The following PDHX variants were observed in gnomAD, a reference collection of about 807,000 sequenced individuals.
PDHX encodes the protein pyruvate dehydrogenase protein X component, mitochondrial.
Under a neutral mutation model 55.3 loss-of-function variants are expected in PDHX, and 33 were observed. The observed-to-expected ratio is 0.60, with a 90% CI of 0.45 to 0.80. PDHX has a LOEUF of 0.80. Ranked by LOEUF, PDHX falls within the 30% of genes least tolerant of loss-of-function variation. PDHX has a pLI of 0.00. For synonymous variants in PDHX, 226 were observed against 219.4 expected, an observed-to-expected ratio of 1.03 and a Z score of -0.27; for missense variants, 622 against 619.9, an observed-to-expected ratio of 1.00 and a Z score of -0.04.
chr11:34,979,188 GT>G (rs1346203718), intron 8 of PDHX, among the ~76,000 whole-genome samples: 1 of 152,200 alleles, frequency 6.6e-6, no homozygotes, highest in Non-Finnish European at 1.5e-5. Context: ...AGTTTTCCAT[GT>G]ACTAAGATTG....
intron 1 of PDHX, among the ~76,000 whole-genome samples, chr11:34,917,456 G>T (rs1243886013): frequency 1.3e-5 from 2 of 152,158 alleles, no homozygotes; most frequent in Non-Finnish European, 2.9e-5. Flanking sequence ...TGATATTGAT[G>T]CAGTTAACAC....
intron 3 of PDHX, among the ~76,000 whole-genome samples, chr11:34,948,487 C>G (rs1854678023): frequency 6.6e-6 from 1 of 151,860 alleles, no homozygotes; most frequent in South Asian, 2.1e-4. Flanking sequence ...TATTCAAAGA[C>G]TACACTTCAG....
intron 4 of PDHX, among the ~76,000 whole-genome samples, chr11:34,958,635 C>CAA (rs10633958): frequency 0.8 from 122,082 of 151,960 alleles, 49,243 homozygotes; most frequent in African/African-American, 0.84. Flanking sequence ...ATTCCTAGTG[C>CAA]AGTGTTTCTG....
At chr11:34,925,832 A>G (rs1388659076) in intron 1 of PDHX, among the ~76,000 whole-genome samples, 1 of 152,194 alleles carries the variant, frequency 6.6e-6, no homozygotes, top group East Asian at 1.9e-4. Flanking sequence ...AGGAATGTTC[A>G]TTGTAGCATT....
intron 9 of PDHX, 173 bp downstream of exon 9, chr11:34,984,901 C>A: frequency 1.6e-6 from 1 of 617,262 alleles, no homozygotes; most frequent in Non-Finnish European, 2.8e-6. Context: ...AGTTTTTATC[C>A]AAGTATGACC....
intron 5 of PDHX, among the ~76,000 whole-genome samples, chr11:34,965,974 A>T (rs770791571): frequency 6.6e-6 from 1 of 152,210 alleles, no homozygotes; most frequent in Non-Finnish European, 1.5e-5. Context: ...GGCTTAGCAT[A>T]TTTAGTAATC....
At chr11:34,993,357 G>T (rs963529689) in intron 10 of PDHX, among the ~76,000 whole-genome samples, 1 of 151,850 alleles carries the variant, frequency 6.6e-6, no homozygotes, top group South Asian at 2.1e-4. Flanking sequence ...TTCATTTTCT[G>T]TTAGGAATTT....
chr11:34,916,223 C>T (rs199893242), upstream of PDHX: 18 of 1,610,710 alleles, frequency 1.1e-5, no homozygotes, highest in Non-Finnish European at 1.5e-5. Context: ...TGGCCCCGCC[C>T]CTACCTGCGC....
At chr11:34,982,996 C>T (rs963700099) in intron 8 of PDHX, among the ~76,000 whole-genome samples, 3 of 152,176 alleles carry the variant, frequency 2.0e-5, no homozygotes, top group African/African-American at 4.8e-5. Flanking sequence ...ACCAATATCC[C>T]TGATGAACAT....
chr11:34,919,515 C>T (rs1386975953), intron 1 of PDHX, among the ~76,000 whole-genome samples: 1 of 152,172 alleles, frequency 6.6e-6, no homozygotes, highest in Admixed American at 6.5e-5. Flanking sequence ...ATTTTCTTAG[C>T]ACTTTCTAGA....
intron 10 of PDHX, among the ~76,000 whole-genome samples, chr11:34,994,194 C>T (rs950166535): frequency 6.6e-6 from 1 of 152,146 alleles, no homozygotes; most frequent in Non-Finnish European, 1.5e-5. Context: ...CATGCTGCTA[C>T]ACACCTTAGC....
intron 5 of PDHX, among the ~76,000 whole-genome samples, chr11:34,964,851 A>G (rs921601522): frequency 7.7e-6 from 1 of 130,332 alleles, no homozygotes; most frequent in African/African-American, 4.0e-5. Context: ...AGCTATTAGC[A>G]TATTATTAGC....
At chr11:34,916,041 C>T (rs1590720112), upstream of PDHX, 14 of 736,674 alleles carry the variant, frequency 1.9e-5, no homozygotes, top group East Asian at 4.0e-4. Flanking sequence ...CCACTGATCT[C>T]CTGGGGCCTC....
Position 34,949,781 on chromosome 11 carries a change from A to C in PDHX, c.342+2175A>C, listed in dbSNP as rs79376006. ...ACCAATTAGGATATTTGTGAGGATG[A>C]AAAGGGTATAAGATGTCAAAATTAT... On this transcript the variant is annotated intron_variant, in intron 3 of 10. Transcript: ENST00000227868. Among the ~76,000 whole-genome samples, 751 of 152,318 alleles carry C rather than the reference A, an allele frequency of 4.9e-3. 3 individuals carry two copies. Among genetic ancestry groups the C allele is most frequent in the African/African-American group, 0.017 (718 of 41,560 alleles).
At chr11:34,962,628 T>C (rs959131029) in intron 5 of PDHX, among the ~76,000 whole-genome samples, 1 of 152,110 alleles carries the variant, frequency 6.6e-6, no homozygotes, top group Non-Finnish European at 1.5e-5. Context: ...AGATCATCAA[T>C]AGGGAAACTA....
At chr11:34,945,929 A>T (rs1272417894) in intron 2 of PDHX, among the ~76,000 whole-genome samples, 3 of 152,180 alleles carry the variant, frequency 2.0e-5, no homozygotes, top group African/African-American at 7.2e-5. Context: ...ATGAGAGTAT[A>T]CATCTCCAGT....
intron 6 of PDHX, among the ~76,000 whole-genome samples, chr11:34,967,474 C>T (rs1414549081): frequency 6.6e-6 from 1 of 152,214 alleles, no homozygotes; most frequent in African/African-American, 2.4e-5. Flanking sequence ...GTAGCTGACA[C>T]TAGCTCCCTT....
chr11:34,944,483 A>G (rs1854576437), intron 2 of PDHX, among the ~76,000 whole-genome samples: 1 of 152,194 alleles, frequency 6.6e-6, no homozygotes, highest in Non-Finnish European at 1.5e-5. Flanking sequence ...TAGACAAAGG[A>G]CCTTTTAGGT....
chr11:34,990,577 A>C (rs1490440751), intron 9 of PDHX, among the ~76,000 whole-genome samples: 1 of 152,186 alleles, frequency 6.6e-6, no homozygotes, highest in East Asian at 1.9e-4. Flanking sequence ...GCCTTTAAAA[A>C]ATGCCTTTTA....
Sources: gnomAD v4.1 joint callset for allele counts (sites outside exome capture counted in the v4.1 genomes callset) on GRCh38, gnomAD v4.1.1 for gene constraint, MANE v1.5 for transcripts, NCBI Gene and HGNC (gene_info 2026-07-23, HGNC 2026-07-21) for gene names.